Variants in CCDC88C observed in about 807,000 individuals in gnomAD.
CCDC88C encodes the protein coiled-coil and HOOK domain protein 88C.
Under a neutral mutation model 198.8 loss-of-function variants are expected in CCDC88C, and 131 were observed. The observed-to-expected ratio is 0.66, with a 90% confidence interval of 0.57 to 0.76. The LOEUF (loss-of-function observed/expected upper bound fraction) is 0.76, where lower values mean the gene tolerates loss of function less well. CCDC88C is among the 30% of genes least tolerant of loss of function. The pLI, the probability that CCDC88C is intolerant of heterozygous loss-of-function variation, is 0.00. For missense variants in CCDC88C, 2,553 were observed against 2,631.6 expected (o/e 0.97, Z 0.65); for synonymous variants, 1,166 against 1,114.7 (o/e 1.05, Z -0.92).
chr14:91,338,285 C>A lies in CCDC88C; in HGVS notation c.892-122G>T. On this transcript the variant is annotated intron_variant, in intron 9 of 29. Transcript: ENST00000389857. The surrounding 1 kb of genome is among the most constrained non-coding windows in gnomAD (Gnocchi z 4.8). Reference sequence around the variant, plus strand: ...CCAGGACAAGCCAGCTCCTGGTGGCCGGGGGCCTCCATGTGCCACCACCAC... The same window carrying A: ...CCAGGACAAGCCAGCTCCTGGTGGCAGGGGGCCTCCATGTGCCACCACCAC... 1 of 1,244,596 alleles carries A rather than the reference C, an allele frequency of 8.0e-7. No individual in the cohort carries two copies. The allele number at this position is 1,244,596 out of a possible 1,614,324, so 77.1% of individuals were successfully genotyped here.
intron 11 of CCDC88C, 24 bp from the exon 12 acceptor site, chr14:91,324,947 G>T: frequency 6.2e-7 from 1 of 1,612,696 alleles, no homozygotes; most frequent in South Asian, 1.1e-5. Flanking sequence ...GAAGAGGCAA[G>T]AAGTGAGGCT....
Position 91,303,838 on chromosome 14 carries a change from G to A in CCDC88C, c.3498C>T (p.Ala1166=), listed in dbSNP as rs1891442838. 2 of 1,613,228 alleles carry A rather than the reference G, an allele frequency of 1.2e-6. No individual in the cohort carries two copies. The highest frequency in any genetic ancestry group is 1.7e-6 in the Non-Finnish European group (2 of 1,179,892). The change falls in exon 20 of 30, where the codon GCC becomes GCT. Residue 1166 remains alanine, a synonymous_variant. Transcript: ENST00000389857. ...QQEQLTAAYE[A]LLQDHEHLGT... ...CCAGGTGCTCGTGGTCCTGCAGCAG[G>A]GCCTCGTAGGCCGCTGTAAGTTGCT...
chr14:91,318,493 A>G (rs575935935), intron 13 of CCDC88C, among the ~76,000 whole-genome samples: 24 of 152,286 alleles, frequency 1.6e-4, no homozygotes, highest in South Asian at 6.2e-4. Context: ...CTGTTGTCCT[A>G]CAAAGAGAGG....
At chr14:91,317,698 A>G (rs1467860155) in intron 13 of CCDC88C, among the ~76,000 whole-genome samples, 2 of 152,232 alleles carry the variant, frequency 1.3e-5, no homozygotes, top group Non-Finnish European at 2.9e-5. Flanking sequence ...GCCTGCAAAC[A>G]GCGGCCCCTC....
chr14:91,303,790 C>A lies in CCDC88C; in HGVS notation c.3546G>T (p.Ser1182=), dbSNP rs771345343. The A allele has an allele frequency of 1.2e-6, 2 of 1,613,534 alleles. No individual in the cohort carries two copies. The highest frequency in any genetic ancestry group is 2.7e-5 in the African/African-American group (2 of 75,074). ...EHLGTLHERQ[S]AEYEALIRQH... Reference sequence around the variant, plus strand: ...GGCGGATGAGGGCCTCGTACTCGGCCGATTGCCGCTCGTGCAGCGTGCCCA... The same window carrying A: ...GGCGGATGAGGGCCTCGTACTCGGCAGATTGCCGCTCGTGCAGCGTGCCCA... The change falls in exon 20 of 30, where the codon TCG becomes TCT. Residue 1182 remains serine (S), a synonymous_variant. Coordinates refer to ENST00000389857, the MANE Select transcript of CCDC88C (RefSeq NM_001080414.4).
Position 91,339,504 on chromosome 14 carries a change from G to T in CCDC88C, c.625-42C>A. The T allele has an allele frequency of 6.4e-7, 1 of 1,559,742 alleles. No individual in the cohort carries two copies. The highest frequency in any genetic ancestry group is 1.8e-5 in the Admixed American group (1 of 55,436). Reference sequence around the variant, plus strand: ...AGGGGGATGGAGGAGAACAAACGGGGTTAACCAGCACAACGCCTGAGCTTG... The same window carrying T: ...AGGGGGATGGAGGAGAACAAACGGGTTTAACCAGCACAACGCCTGAGCTTG... On this transcript the variant is annotated intron_variant, in intron 7 of 29. Transcript: ENST00000389857. This position sits in a 1 kb window ranked among gnomAD's most constrained non-coding sequence, Gnocchi z 5.8.
At chr14:91,380,589 G>C (rs1230637452) in intron 3 of CCDC88C, among the ~76,000 whole-genome samples, 1 of 152,080 alleles carries the variant, frequency 6.6e-6, no homozygotes, top group East Asian at 1.9e-4. Context: ...GAATTTTAAA[G>C]CAAACTCCAG....
rs1343960628 is a variant in CCDC88C, at chr14:91,325,985, C to G, written c.1122G>C (p.Arg374=). 6.3e-7 allele frequency: 1 copy of G among 1,594,192 alleles called. No homozygotes were observed. The highest frequency in any genetic ancestry group is 8.5e-7 in the Non-Finnish European group (1 of 1,169,674). ...GCTCATGGACTTTATCGCCCCGGGC[C>G]CGAGCAGCAGTCAGCTGTTCCTCCA... ...AMLEEQLTAA[R]ARGDKVHELE... is the part of the protein sequence containing the mutation. Residue 374 remains arginine, a synonymous_variant, in exon 11 of 30, where the codon CGG becomes CGC. Coordinates refer to ENST00000389857, the MANE Select transcript of CCDC88C (RefSeq NM_001080414.4). This position sits in a 1 kb window ranked among gnomAD's most constrained non-coding sequence, Gnocchi z 4.1.
chr14:91,298,513 A>G (rs1596039520), intron 21 of CCDC88C, among the ~76,000 whole-genome samples: 1 of 151,510 alleles, frequency 6.6e-6, no homozygotes, highest in Non-Finnish European at 1.5e-5. Context: ...TCAGTGGCTG[A>G]GCAAGATCCC....
chr14:91,403,986 A>G (rs117297873), intron 3 of CCDC88C, among the ~76,000 whole-genome samples: 3,280 of 152,348 alleles, frequency 0.022, 59 homozygotes, highest in Non-Finnish European at 0.036. Flanking sequence ...TGGCTGTTGA[A>G]TGAGTAAAAC....
Position 91,313,819 on chromosome 14 carries a change from T to C in CCDC88C, c.1997A>G (p.His666Arg). 1 of 1,604,132 alleles carries C rather than the reference T, an allele frequency of 6.2e-7. No individual in the cohort carries two copies. The highest frequency in any genetic ancestry group is 8.5e-7 in the Non-Finnish European group (1 of 1,177,604). ...CTCCAGCTGCAGGCCCTGGCTCTCA[T>C]GCTCCAGGGCCTCGACTTTCTCGGT... ...TATEKVEALEHESQGLQLENR... is the reference protein window; with the variant it reads ...TATEKVEALERESQGLQLENR... The change falls in exon 15 of 30, where the codon CAT becomes CGT. Residue 666 changes from histidine to arginine, a missense_variant. By Grantham distance (29) the His-to-Arg change is conservative. Around this residue, in one of 2 missense-constraint regions of CCDC88C, gnomAD observed 1,260 missense variants for 1,412.0 expected, o/e 0.89. Coordinates refer to ENST00000389857, the MANE Select transcript of CCDC88C (RefSeq NM_001080414.4). This position sits in a 1 kb window ranked among gnomAD's most constrained non-coding sequence, Gnocchi z 5.2.
intron 4 of CCDC88C, among the ~76,000 whole-genome samples, chr14:91,343,915 G>A (rs1429576189): frequency 6.6e-6 from 1 of 152,008 alleles, no homozygotes; most frequent in Non-Finnish European, 1.5e-5. Flanking sequence ...GACCTCCCAA[G>A]GCTCAAGCGA....
rs548293003 is a variant in CCDC88C at position 91,321,828 on chromosome 14, G to C, written c.1343-524C>G. Among the ~76,000 whole-genome samples, 5 of 152,222 alleles carry C rather than the reference G, an allele frequency of 3.3e-5. No individual in the cohort carries two copies. In the South Asian group the frequency reaches 1.0e-3, roughly 32 times the overall value. ...ATGCTATGCAGAGATTTCTTTCTGT[G>C]ACTTCACAATTATGTTGAAGAAAAC... On this transcript the variant is annotated intron_variant, in intron 12 of 29. Coordinates refer to ENST00000389857, the MANE Select transcript of CCDC88C (RefSeq NM_001080414.4).
Position 91,355,564 on chromosome 14 carries a change from C to T in CCDC88C, c.340+4078G>A, listed in dbSNP as rs988042063. Among the ~76,000 whole-genome samples the T allele has an allele frequency of 3.9e-5, 6 of 152,158 alleles. No homozygotes were observed. In the East Asian group the frequency reaches 5.8e-4, roughly 15 times the overall value. On this transcript the variant is annotated intron_variant, in intron 4 of 29. Coordinates refer to ENST00000389857, the MANE Select transcript of CCDC88C (RefSeq NM_001080414.4). Reference sequence around the variant, plus strand: ...CACCATCAGAGCAGAAATCCAGAGACGGTCCCAGGGCAGACACAGCGTAAG... The same window carrying T: ...CACCATCAGAGCAGAAATCCAGAGATGGTCCCAGGGCAGACACAGCGTAAG...
chr14:91,337,899 A>C (rs942211585), intron 10 of CCDC88C, 106 bp downstream of exon 10: 4 of 1,392,076 alleles, frequency 2.9e-6, no homozygotes, highest in Non-Finnish European at 4.0e-6. Context: ...CTGCTGAAAC[A>C]GCTGTGGCTC....
rs1355311545 is a variant in CCDC88C, at chr14:91,288,835, C to T, written c.4441+270G>A. The T allele has an allele frequency of 6.3e-6, 2 of 319,596 alleles. No homozygotes were observed. The highest frequency in any genetic ancestry group is 1.1e-5 in the Non-Finnish European group (2 of 174,792). 19.8% of individuals were successfully genotyped at this position (319,596 alleles called of 1,614,324 possible). ...AGGAGAATCACTTGAACCTGGGAGG[C>T]AGCCAGGCTGCACTCTAGCCTGGGC... is the stretch of plus-strand genomic sequence containing the variant. On this transcript the variant is annotated intron_variant, in intron 25 of 29. Transcript: ENST00000389857. The surrounding 1 kb of genome is among the most constrained non-coding windows in gnomAD (Gnocchi z 4.2).
At chr14:91,405,191 G>A (rs543017283) in intron 3 of CCDC88C, among the ~76,000 whole-genome samples, 3 of 152,192 alleles carry the variant, frequency 2.0e-5, no homozygotes, top group African/African-American at 7.2e-5. Flanking sequence ...GCATCCTAGC[G>A]ACACGGCCCA....
At position 91,338,004 on chromosome 14, in the gene CCDC88C, C is replaced by A; in HGVS notation, c.1050+1G>T. 6.2e-7 allele frequency: 1 copy of A among 1,610,632 alleles called. No individual in the cohort carries two copies. The highest frequency in any genetic ancestry group is 8.5e-7 in the Non-Finnish European group (1 of 1,179,868). Reference sequence around the variant, plus strand: ...AGGGGCCTCACAGCAAGGCTCCCTACCTCCATGCGGGCCTTGTAGAAGTCC... The same window carrying A: ...AGGGGCCTCACAGCAAGGCTCCCTAACTCCATGCGGGCCTTGTAGAAGTCC... On this transcript the variant is annotated splice_donor_variant, in intron 10 of 29. Transcript: ENST00000389857. LOFTEE classifies it high-confidence loss of function. The surrounding 1 kb of genome is among the most constrained non-coding windows in gnomAD (Gnocchi z 4.8).
chr14:91,328,612 C>A (rs750026207), intron 10 of CCDC88C, among the ~76,000 whole-genome samples: 3 of 152,166 alleles, frequency 2.0e-5, no homozygotes, highest in African/African-American at 4.8e-5. Context: ...TCTGCCACTG[C>A]GACTTGGGGC....
Sources: allele counts gnomAD v4.1 joint callset (sites outside exome capture counted in the v4.1 genomes callset), GRCh38; gene constraint gnomAD v4.1.1; regional missense constraint gnomAD v4.1.1; non-coding constraint Gnocchi (gnomAD v3.1); transcripts MANE v1.5; gene names NCBI Gene and HGNC (gene_info 2026-07-23, HGNC 2026-07-21).